Variants in PITPNC1 observed in about 807,000 individuals in gnomAD.
PITPNC1 encodes the protein phosphatidylinositol transfer protein cytoplasmic 1, also known as cytoplasmic phosphatidylinositol transfer protein 1.
Under a neutral mutation model 44.7 loss-of-function variants are expected in PITPNC1, and 18 were observed. The observed-to-expected ratio is 0.40, with a 90% CI of 0.28 to 0.60. The LOEUF (loss-of-function observed/expected upper bound fraction) is 0.60. Ranked by LOEUF, PITPNC1 falls within the 20% of genes least tolerant of loss-of-function variation. The probability of loss-of-function intolerance (pLI) is 0.39; values close to 1 mark genes in which losing one functional copy is unlikely to be tolerated. For synonymous variants in PITPNC1, 141 were observed against 149.6 expected, an observed-to-expected ratio of 0.94 and a Z score of 0.42; for missense variants, 290 against 418.4, an observed-to-expected ratio of 0.69 and a Z score of 2.68.
In PITPNC1 at chr17:67,466,465, G is replaced by A. The variant is rs947825078; in HGVS notation, c.49-66337G>A. 6.6e-5 allele frequency among the ~76,000 whole-genome samples: 10 copies of A among 152,266 alleles called. No homozygotes were observed. The South Asian group carries it at 1.9e-3, about 28-fold the overall frequency. ...GACCCATTAGTAGCTGAAACTCACA[G>A]CAACCAGTGCCTAGTAAAGGATTCA... On this transcript the variant is annotated intron_variant, in intron 1 of 8. Coordinates refer to ENST00000581322, the MANE Select transcript of PITPNC1 (RefSeq NM_012417.4).
At chr17:67,415,085 C>T (rs944020518) in intron 1 of PITPNC1, among the ~76,000 whole-genome samples, 1 of 152,000 alleles carries the variant, frequency 6.6e-6, no homozygotes, top group Non-Finnish European at 1.5e-5. Context: ...TCATCATGTT[C>T]ACCAGGCTGG....
chr17:67,460,887 G>A (rs200940858), intron 1 of PITPNC1, among the ~76,000 whole-genome samples: 13 of 148,448 alleles, frequency 8.8e-5, no homozygotes, highest in East Asian at 8.0e-4. Flanking sequence ...GATTATAGGC[G>A]CGCGCCACCA....
At position 67,692,675 on chromosome 17, in the gene PITPNC1, C is replaced by T. The variant is rs1188162026; in HGVS notation, c.786C>T (p.Pro262=). The part of the protein sequence containing the change: ...FPPAISISSI[P]LLPSSVRSAP... ...CTGCAATTTCTATCTCCAGCATCCC[C>T]CTGCTGCCTTCTTCCGTCCGCAGTG... is the stretch of plus-strand genomic sequence containing the variant. Residue 262 remains proline (P), a synonymous_variant, in exon 9 of 9, where the codon CCC becomes CCT. Transcript: ENST00000581322. 1.9e-6 allele frequency: 3 copies of T among 1,613,578 alleles called. No homozygotes were observed. In the African/African-American group the frequency reaches 4.0e-5, roughly 22 times the overall value.
At chr17:67,480,513 A>G (rs1246924749) in intron 1 of PITPNC1, among the ~76,000 whole-genome samples, 1 of 152,212 alleles carries the variant, frequency 6.6e-6, no homozygotes, top group Non-Finnish European at 1.5e-5. Context: ...GTGAAATATT[A>G]TATCACCACT....
chr17:67,668,278 G>A (rs1290090740), intron 6 of PITPNC1, among the ~76,000 whole-genome samples: 1 of 152,172 alleles, frequency 6.6e-6, no homozygotes, highest in Non-Finnish European at 1.5e-5. Flanking sequence ...CATAGCATCA[G>A]TGAGAGTTGT....
chr17:67,464,744 C>CTTT (rs201595421), intron 1 of PITPNC1, among the ~76,000 whole-genome samples: 1 of 147,022 alleles, frequency 6.8e-6, no homozygotes, highest in Non-Finnish European at 1.5e-5. Flanking sequence ...AACTCTCTCA[C>CTTT]TTTTTTTTTT....
At chr17:67,532,770 C>T in intron 1 of PITPNC1, 32 bp from the exon 2 acceptor site, 3 of 1,535,266 alleles carry the variant, frequency 2.0e-6, no homozygotes, top group Non-Finnish European at 2.6e-6. Flanking sequence ...CGCTGTGGGG[C>T]TGACCTTTCT....
chr17:67,552,606 C>T (rs973370461), intron 3 of PITPNC1, among the ~76,000 whole-genome samples: 4 of 151,852 alleles, frequency 2.6e-5, no homozygotes, highest in Admixed American at 6.6e-5. Flanking sequence ...GAGGGCCAGG[C>T]GCAGTGGCTC....
chr17:67,613,434 T>C (rs1360421389), intron 5 of PITPNC1: 1 of 152,194 alleles, frequency 6.6e-6, no homozygotes, highest in Non-Finnish European at 1.5e-5. Flanking sequence ...ATTATAGATG[T>C]TCACTGTGTT....
chr17:67,567,264 T>C (rs2040992143), intron 4 of PITPNC1, among the ~76,000 whole-genome samples: 1 of 151,932 alleles, frequency 6.6e-6, no homozygotes, highest in South Asian at 2.1e-4. Context: ...GGCAGGCGGA[T>C]CATGAGGTCA....
rs146864864 is a variant in PITPNC1 at position 67,430,297 on chromosome 17, G to C, written c.48+52095G>C. 4.3e-3 allele frequency among the ~76,000 whole-genome samples: 647 copies of C among 151,784 alleles called. 9 individuals carry two copies. Among genetic ancestry groups the C allele is most frequent in the African/African-American group, 0.015 (612 of 41,344 alleles). On this transcript the variant is annotated intron_variant, in intron 1 of 8. Coordinates refer to ENST00000581322, the MANE Select transcript of PITPNC1 (RefSeq NM_012417.4). Reference sequence around the variant, plus strand: ...GAGGTGGGAGGGTCACTTGAGGTCAGGAGTTCAAGACCAGCCTGGCCAACG... The same window carrying C: ...GAGGTGGGAGGGTCACTTGAGGTCACGAGTTCAAGACCAGCCTGGCCAACG...
Position 67,556,980 on chromosome 17 carries a change from G to A in PITPNC1, c.294+3363G>A, listed in dbSNP as rs976440997. ...ATGAGGAGGTTTCTCAGAGAAGGTC[G>A]CATTTGGGCTGGACCTGAAGGGACA... On this transcript the variant is annotated intron_variant, in intron 4 of 8. Coordinates refer to ENST00000581322, the MANE Select transcript of PITPNC1 (RefSeq NM_012417.4). Among the ~76,000 whole-genome samples, 51 of 152,304 alleles carry A rather than the reference G, an allele frequency of 3.3e-4. 1 individual carries two copies. Among genetic ancestry groups the A allele is most frequent in the African/African-American group, 1.2e-3 (49 of 41,564 alleles).
chr17:67,436,343 C>G (rs1040659375), intron 1 of PITPNC1, among the ~76,000 whole-genome samples: 1 of 151,936 alleles, frequency 6.6e-6, no homozygotes, highest in Non-Finnish European at 1.5e-5. Flanking sequence ...AAAATTTCTG[C>G]GAGGATTTGA....
chr17:67,442,243 A>G (rs1236186687), intron 1 of PITPNC1, among the ~76,000 whole-genome samples: 1 of 124,350 alleles, frequency 8.0e-6, no homozygotes, highest in African/African-American at 3.1e-5. Context: ...ATATATATAT[A>G]TATATGCATG....
intron 1 of PITPNC1, among the ~76,000 whole-genome samples, chr17:67,516,216 C>T (rs1377958864): frequency 6.6e-6 from 1 of 152,202 alleles, no homozygotes; most frequent in Non-Finnish European, 1.5e-5. Flanking sequence ...CTAAACTTAA[C>T]TGTGACATTT....
At chr17:67,658,120 C>T (rs2042294372) in intron 6 of PITPNC1, among the ~76,000 whole-genome samples, 1 of 152,200 alleles carries the variant, frequency 6.6e-6, no homozygotes, top group South Asian at 2.1e-4. Flanking sequence ...AGGAAGGCAG[C>T]TCAGACTATG....
At chr17:67,658,879 A>G (rs72839426) in intron 6 of PITPNC1, among the ~76,000 whole-genome samples, 7,898 of 152,144 alleles carry the variant, frequency 0.052, 310 homozygotes, top group East Asian at 0.2. Context: ...GGGGGAAGCC[A>G]TGTCTTCTAA....
intron 6 of PITPNC1, among the ~76,000 whole-genome samples, chr17:67,643,085 T>A (rs751376903): frequency 6.6e-6 from 1 of 152,168 alleles, no homozygotes; most frequent in Non-Finnish European, 1.5e-5. Flanking sequence ...TGTGGCATTG[T>A]GGGTCATTGA....
chr17:67,437,941 C>T (rs999830590), intron 1 of PITPNC1, among the ~76,000 whole-genome samples: 14 of 152,122 alleles, frequency 9.2e-5, no homozygotes, highest in Admixed American at 6.5e-4. Flanking sequence ...TGGTGGCACA[C>T]ATCTGTAATC....
Sources: allele counts gnomAD v4.1 joint callset (sites outside exome capture counted in the v4.1 genomes callset), GRCh38; gene constraint gnomAD v4.1.1; transcripts MANE v1.5; gene names NCBI Gene and HGNC (gene_info 2026-07-23, HGNC 2026-07-21).